TBC1D32: variants seen among roughly 807,000 people sequenced by gnomAD.
TBC1D32 encodes the protein protein broad-minded.
A neutral mutation model predicts 170.3 loss-of-function variants in TBC1D32; 151 were observed. The ratio of observed to expected loss-of-function variants is 0.89; its 90% CI spans 0.78 to 1.01. TBC1D32 has a LOEUF of 1.01. TBC1D32 is among the 50% of genes least tolerant of loss of function. TBC1D32 has a pLI of 0.00. For missense variants in TBC1D32, 1,464 were observed against 1,457.1 expected, an observed-to-expected ratio of 1.00 and a Z score of -0.08; for synonymous variants, 498 against 488.0, an observed-to-expected ratio of 1.02 and a Z score of -0.27.
chr6:121,272,615 G>A (rs1303199576), intron 15 of TBC1D32, among the ~76,000 whole-genome samples: 1 of 152,148 alleles, frequency 6.6e-6, no homozygotes, highest in Non-Finnish European at 1.5e-5. Context: ...AACAACAGGT[G>A]CTGGAGAGGA....
intron 15 of TBC1D32, among the ~76,000 whole-genome samples, chr6:121,273,912 T>C (rs1801849007): frequency 6.6e-6 from 1 of 152,158 alleles, no homozygotes; most frequent in Non-Finnish European, 1.5e-5. Context: ...TTCCTGTTTC[T>C]GTTCATAAAT....
intron 31 of TBC1D32, among the ~76,000 whole-genome samples, chr6:121,083,228 A>C (rs1003593629): frequency 1.4e-5 from 2 of 146,810 alleles, no homozygotes; most frequent in Non-Finnish European, 3.0e-5. Flanking sequence ...TAAGTAGCAG[A>C]TGCATTAATT....
chr6:121,139,048 G>GTCTCTAC (rs1290343920), intron 24 of TBC1D32, among the ~76,000 whole-genome samples: 1 of 151,920 alleles, frequency 6.6e-6, no homozygotes, highest in African/African-American at 2.4e-5. Context: ...GGGTTTCACT[G>GTCTCTAC]TGTTAGCCAG....
Position 121,279,216 on chromosome 6 carries a change from TA to T in TBC1D32, c.1637del (p.Leu546Ter). 6.2e-7 allele frequency: 1 copy of T among 1,609,790 alleles called. No individual in the cohort carries two copies. The highest frequency in any genetic ancestry group is 8.5e-7 in the Non-Finnish European group (1 of 1,178,466). On this transcript the variant is annotated frameshift_variant, in exon 15 of 32. Coordinates refer to ENST00000398212, the MANE Select transcript of TBC1D32 (RefSeq NM_152730.6). LOFTEE classifies it high-confidence loss of function. The part of the protein sequence containing the change: ...EASPNCSETA[L>X]IHIAGILARI... ...TTGCCAAAATACCAGCTATATGAAT[TA>T]AAGCTGTCTCAGAGCAATTTGGAGA...
At chr6:121,193,265 G>C (rs1474519343) in intron 22 of TBC1D32, among the ~76,000 whole-genome samples, 2 of 152,218 alleles carry the variant, frequency 1.3e-5, no homozygotes, top group Non-Finnish European at 2.9e-5. Context: ...CTGAAATACA[G>C]ATTAAATGAT....
rs1406189246 is a variant in TBC1D32 at position 121,304,582 on chromosome 6, A to T, written c.813T>A (p.Ile271=). The change falls in exon 7 of 32, where the codon ATT becomes ATA. Residue 271 remains isoleucine (I), a synonymous_variant. Coordinates refer to ENST00000398212, the MANE Select transcript of TBC1D32 (RefSeq NM_152730.6). ...TATCTACACCAGCTGAAAGAGTAGGAATATGATTTTCCCTAGAAAGAAAGT... is the reference window on the plus strand; with the variant it reads ...TATCTACACCAGCTGAAAGAGTAGGTATATGATTTTCCCTAGAAAGAAAGT... ...ESYFLSRENH[I]PTLSAGVDIT... is the part of the protein sequence containing the mutation. 1 of 1,611,980 alleles carries T rather than the reference A, an allele frequency of 6.2e-7. No homozygotes were observed. Among genetic ancestry groups the T allele is most frequent in the Admixed American group, 1.7e-5 (1 of 59,852 alleles).
At chr6:121,264,471 A>G (rs1290618260) in intron 15 of TBC1D32, among the ~76,000 whole-genome samples, 1 of 152,156 alleles carries the variant, frequency 6.6e-6, no homozygotes, top group Non-Finnish European at 1.5e-5. Context: ...TTCACAGCCA[A>G]ATTCTACCAC....
At chr6:121,247,046 G>A (rs1201489366) in intron 17 of TBC1D32, among the ~76,000 whole-genome samples, 1 of 151,992 alleles carries the variant, frequency 6.6e-6, no homozygotes, top group Non-Finnish European at 1.5e-5. Context: ...TCAAGATGAA[G>A]GACAGAATCT....
chr6:121,162,669 G>A (rs1438042501), intron 22 of TBC1D32, among the ~76,000 whole-genome samples: 1 of 152,150 alleles, frequency 6.6e-6, no homozygotes, highest in Admixed American at 6.5e-5. Flanking sequence ...CAGCCCAAAA[G>A]CTTCTTAAGC....
chr6:121,265,086 A>G (rs1800290920), intron 15 of TBC1D32, among the ~76,000 whole-genome samples: 1 of 152,204 alleles, frequency 6.6e-6, no homozygotes, highest in African/African-American at 2.4e-5. Context: ...ATAGAAACAA[A>G]TAAAGGGTAT....
chr6:121,264,392 A>G (rs1563139371), intron 15 of TBC1D32, among the ~76,000 whole-genome samples: 1 of 152,178 alleles, frequency 6.6e-6, no homozygotes, highest in Non-Finnish European at 1.5e-5. Flanking sequence ...GAATAGACCA[A>G]TAACAAGCTC....
chr6:121,212,229 A>G (rs116943807), intron 21 of TBC1D32, among the ~76,000 whole-genome samples: 3,661 of 152,212 alleles, frequency 0.024, 162 homozygotes, highest in East Asian at 0.12. Context: ...AATCAGCAAT[A>G]AATAGCCTAC....
At chr6:121,209,456 A>G (rs1004005306) in intron 21 of TBC1D32, among the ~76,000 whole-genome samples, 1 of 152,130 alleles carries the variant, frequency 6.6e-6, no homozygotes, top group Non-Finnish European at 1.5e-5. Flanking sequence ...CCAAAACTTC[A>G]TACACTTTGA....
intron 30 of TBC1D32, among the ~76,000 whole-genome samples, chr6:121,102,492 A>G (rs1290678): frequency 0.36 from 55,158 of 151,864 alleles, 15,784 homozygotes; most frequent in African/African-American, 0.78. Context: ...ATGGGGAAAC[A>G]ATTCCCTATT....
At chr6:121,247,551 A>G (rs887786102) in intron 17 of TBC1D32, among the ~76,000 whole-genome samples, 1 of 151,732 alleles carries the variant, frequency 6.6e-6, no homozygotes, top group African/African-American at 2.4e-5. Context: ...CACCAGCAAA[A>G]TATCTGCTGT....
chr6:121,233,183 T>C (rs1439667659), intron 20 of TBC1D32, among the ~76,000 whole-genome samples: 1 of 152,066 alleles, frequency 6.6e-6, no homozygotes, highest in Non-Finnish European at 1.5e-5. Flanking sequence ...GTATATTCTG[T>C]AGTTGTTCGG....
At chr6:121,279,276 A>G (rs1383680385) in intron 14 of TBC1D32, 31 bp from the exon 15 acceptor site, 2 of 1,593,734 alleles carry the variant, frequency 1.3e-6, no homozygotes, top group Non-Finnish European at 1.7e-6. Context: ...AAGACAAATC[A>G]CATAATTTTA....
At position 121,106,031 on chromosome 6, in the gene TBC1D32, G is replaced by A; in HGVS notation, c.3457C>T (p.Pro1153Ser). ...ACTCCCTTATGGATTACCTGTGATG[G>A]TGCAAAACCAGACATGTGAAAAGCT... ...FSAFHMSGFA[P>S]SQICLQWITQ... Residue 1153 changes from proline to serine, a missense_variant, in exon 30 of 32, where the codon CCA becomes TCA. Physicochemically the swap from Pro to Ser is moderately conservative, Grantham distance 74. Transcript: ENST00000398212. 1.2e-6 allele frequency: 2 copies of A among 1,606,360 alleles called. No individual in the cohort carries two copies. The highest frequency in any genetic ancestry group is 1.7e-6 in the Non-Finnish European group (2 of 1,174,790).
chr6:121,211,905 C>A (rs141607229), intron 21 of TBC1D32, among the ~76,000 whole-genome samples: 1 of 152,160 alleles, frequency 6.6e-6, no homozygotes, highest in African/African-American at 2.4e-5. Flanking sequence ...CCACTCAACA[C>A]TGCACACACA....
Sources: allele counts gnomAD v4.1 joint callset (sites outside exome capture counted in the v4.1 genomes callset), GRCh38; gene constraint gnomAD v4.1.1; transcripts MANE v1.5; gene names NCBI Gene and HGNC (gene_info 2026-07-23, HGNC 2026-07-21).